The following RNF126 variants were observed in gnomAD, a reference collection of about 807,000 sequenced individuals.
RNF126 encodes the protein ring finger protein 126, also known as E3 ubiquitin-protein ligase RNF126.
RNF126 carries 20 observed loss-of-function variants against 41.9 expected under a neutral mutation model. That is an observed-to-expected ratio of 0.48 (90% CI 0.34 to 0.69). The LOEUF (loss-of-function observed/expected upper bound fraction) is 0.69. Among genes scored for constraint, RNF126 ranks in the 30% least tolerant of loss-of-function variants. RNF126 has a pLI of 0.01. For missense variants in RNF126, 433 were observed against 460.6 expected (o/e 0.94, Z 0.55); for synonymous variants, 239 against 202.9 (o/e 1.18, Z -1.51).
intron 7 of RNF126, 77 bp downstream of exon 7, chr19:648,805 C>T (rs1356812520): frequency 2.3e-6 from 2 of 884,980 alleles, no homozygotes; most frequent in South Asian, 2.0e-5. Context: ...CCTGTCTCTA[C>T]TGAAAATACA....
chr19:652,718 G>C lies in RNF126; in HGVS notation c.134+108C>G, dbSNP rs1043066859. ...TGCTCCCGGAGCCACAGACACCAGGGCCTGACGGCCCCACACTCGGCGGGG... is the reference window on the plus strand; with the variant it reads ...TGCTCCCGGAGCCACAGACACCAGGCCCTGACGGCCCCACACTCGGCGGGG... On this transcript the variant is annotated intron_variant, in intron 2 of 8. Coordinates refer to ENST00000292363, the MANE Select transcript of RNF126 (RefSeq NM_194460.3). 3 of 983,300 alleles carry C rather than the reference G, an allele frequency of 3.1e-6. No individual in the cohort carries two copies. The South Asian group carries it at 4.1e-5, about 13-fold the overall frequency. 60.9% of individuals were successfully genotyped at this position (983,300 alleles called of 1,614,324 possible).
At chr19:652,708 A>G in intron 2 of RNF126, 118 bp downstream of exon 2, 1 of 898,278 alleles carries the variant, frequency 1.1e-6, no homozygotes, top group Non-Finnish European at 1.8e-6. Flanking sequence ...CCGGAGCCAC[A>G]GACACCAGGG....
intron 1 of RNF126, among the ~76,000 whole-genome samples, chr19:657,513 C>T (rs1212788771): frequency 6.6e-6 from 1 of 152,228 alleles, no homozygotes; most frequent in Non-Finnish European, 1.5e-5. Context: ...GTCCAGAACC[C>T]TCTCTCTGCA....
chr19:649,418 C>T, intron 6 of RNF126: 2 of 529,038 alleles, frequency 3.8e-6, no homozygotes, highest in South Asian at 4.7e-5. Flanking sequence ...GCCTCCTGAC[C>T]ATGTGACTGT....
At chr19:653,839 T>C (rs748715167) in intron 1 of RNF126, among the ~76,000 whole-genome samples, 1 of 152,186 alleles carries the variant, frequency 6.6e-6, no homozygotes, top group Admixed American at 6.5e-5. Flanking sequence ...ACGGCACGTG[T>C]CATCACGCCA....
intron 1 of RNF126, among the ~76,000 whole-genome samples, chr19:656,959 G>A (rs1600639969): frequency 6.6e-6 from 1 of 152,164 alleles, no homozygotes; most frequent in Non-Finnish European, 1.5e-5. Context: ...TCGCCTGGGT[G>A]GGTCTCTGGG....
At chr19:653,557 C>G (rs1026537311) in intron 1 of RNF126, among the ~76,000 whole-genome samples, 2 of 152,242 alleles carry the variant, frequency 1.3e-5, no homozygotes, top group Non-Finnish European at 2.9e-5. Flanking sequence ...CAACGGGATC[C>G]CCAGGGCTGA....
intron 1 of RNF126, among the ~76,000 whole-genome samples, chr19:662,366 C>T (rs1370173160): frequency 6.6e-6 from 1 of 152,216 alleles, no homozygotes; most frequent in East Asian, 1.9e-4. Flanking sequence ...TGAGGGGCGG[C>T]TGTAAACACC....
intron 1 of RNF126, among the ~76,000 whole-genome samples, chr19:662,792 C>G (rs2030867059): frequency 6.6e-6 from 1 of 152,136 alleles, no homozygotes; most frequent in Non-Finnish European, 1.5e-5. Flanking sequence ...CGGCCGCGAT[C>G]CCGCTGCGCC....
In RNF126 at chr19:647,958, AG is replaced by A. The variant is rs2030037848; in HGVS notation, c.*169del. The A allele has an allele frequency of 1.2e-6, 1 of 836,724 alleles. No homozygotes were observed. Among genetic ancestry groups the A allele is most frequent in the African/African-American group, 1.7e-5 (1 of 57,982 alleles). The allele number at this position is 836,724 out of a possible 1,614,324, so 51.8% of individuals were successfully genotyped here. ...GGACCATGTGGCCCACGCCTTCCCA[AG>A]CCAGGGGGCCGGTGGGCCGGGCCCG... On this transcript the variant is annotated 3_prime_UTR_variant, in exon 9 of 9. Transcript: ENST00000292363.
intron 4 of RNF126, among the ~76,000 whole-genome samples, chr19:651,202 G>A (rs1249317970): frequency 2.0e-5 from 3 of 148,430 alleles, no homozygotes; most frequent in Non-Finnish European, 4.5e-5. Flanking sequence ...GCCCTGCGAC[G>A]GCTCCCCCAG....
intron 1 of RNF126, among the ~76,000 whole-genome samples, chr19:653,992 G>A (rs560763513): frequency 8.5e-5 from 13 of 152,304 alleles, no homozygotes; most frequent in African/African-American, 3.1e-4. Context: ...CACCGGGGCT[G>A]TTCAGTCTTC....
In RNF126 at chr19:652,246, C is replaced by A. The variant is rs201121285; in HGVS notation, c.185G>T (p.Arg62Leu). Residue 62 changes from arginine to leucine, a missense_variant, in exon 3 of 9, where the codon CGG becomes CTG. Around this residue, in one of 5 missense-constraint regions of RNF126, gnomAD observed 247 missense variants for 224.7 expected, o/e 1.10. Coordinates refer to ENST00000292363, the MANE Select transcript of RNF126 (RefSeq NM_194460.3). ...CGGGCGACTCACCTCCAACGGTGGCCGGCTCTGGTCTGTGGGAGCTGTGGA... is the reference window on the plus strand; with the variant it reads ...CGGGCGACTCACCTCCAACGGTGGCAGGCTCTGGTCTGTGGGAGCTGTGGA... ...APSTAPTDQS[R>L]PPLEHVDQHL... 1 of 1,536,236 alleles carries A rather than the reference C, an allele frequency of 6.5e-7. No individual in the cohort carries two copies. The highest frequency in any genetic ancestry group is 2.6e-5 in the Admixed American group (1 of 38,632).
intron 1 of RNF126, among the ~76,000 whole-genome samples, chr19:658,581 C>T (rs928319060): frequency 2.6e-5 from 4 of 152,156 alleles, no homozygotes; most frequent in East Asian, 1.9e-4. Flanking sequence ...GGCACGGGCA[C>T]GTGCGGCGCC....
At chr19:651,898 T>A in intron 3 of RNF126, 43 bp from the exon 4 acceptor site, 1 of 1,556,238 alleles carries the variant, frequency 6.4e-7, no homozygotes, top group Non-Finnish European at 8.7e-7. Context: ...CTCAGGCCCG[T>A]GCAGTCTGCT....
chr19:654,764 C>T (rs1343598708), intron 1 of RNF126, among the ~76,000 whole-genome samples: 4 of 146,898 alleles, frequency 2.7e-5, no homozygotes, highest in African/African-American at 5.0e-5. Context: ...GCCAGGAGTT[C>T]GAGACCAGCC....
In RNF126 at chr19:649,220, T is replaced by TGGGGG. The variant is rs67039359; in HGVS notation, c.577-250_577-246dup. 138 of 125,606 alleles carry TGGGGG rather than the reference T, an allele frequency of 1.1e-3. 1 individual carries two copies. The highest frequency in any genetic ancestry group is 3.5e-3 in the Middle Eastern group (1 of 286). The allele number at this position is 125,606 out of a possible 1,614,324, so 7.8% of individuals were successfully genotyped here. On this transcript the variant is annotated intron_variant, in intron 6 of 8. Transcript: ENST00000292363. Reference sequence around the variant, plus strand: ...CGCTCCTGGGTCCCTGACAGCGGAATGGGGGGGGGGGCCGCGCTCCTGAGT... The same window carrying TGGGGG: ...CGCTCCTGGGTCCCTGACAGCGGAATGGGGGGGGGGGGGGGGCCGCGCTCCTGAGT...
rs753403508 is a variant in RNF126, at chr19:648,085, T to C, written c.*43A>G. The C allele has an allele frequency of 2.6e-6, 4 of 1,510,618 alleles. No individual in the cohort carries two copies. The Admixed American group carries it at 8.1e-5, about 31-fold the overall frequency. 93.6% of individuals were successfully genotyped at this position (1,510,618 alleles called of 1,614,324 possible). A position where few individuals can be genotyped will look rare whatever the true frequency, so the allele number is the denominator to read the frequency against. On this transcript the variant is annotated 3_prime_UTR_variant, in exon 9 of 9. Transcript: ENST00000292363. ...GGTGCCGTGTGGCGCTGGCTGAGGG[T>C]GGGTGGGAAAGGCCCCGTGCTTTCC...
Position 663,032 on chromosome 19 carries a change from CGGCCCG to C in RNF126, c.75+9_75+14del. ...GCGCAGACCCTGCCGCCCGCCGCCC[CGGCCCG>C]GGCCTCACCGGCAGGCGCGGGACGA... is the stretch of plus-strand genomic sequence containing the variant. On this transcript the variant is annotated intron_variant, in intron 1 of 8. Transcript: ENST00000292363. 7.5e-7 allele frequency: 1 copy of C among 1,331,040 alleles called. No homozygotes were observed. Among genetic ancestry groups the C allele is most frequent in the Non-Finnish European group, 9.7e-7 (1 of 1,033,390 alleles). 82.5% of individuals were successfully genotyped at this position (1,331,040 alleles called of 1,614,324 possible). A position where few individuals can be genotyped will look rare whatever the true frequency, so the allele number is the denominator to read the frequency against.
Sources: gnomAD v4.1 joint callset for allele counts (sites outside exome capture counted in the v4.1 genomes callset) on GRCh38, gnomAD v4.1.1 for gene constraint, gnomAD v4.1.1 regional missense constraint, MANE v1.5 for transcripts, NCBI Gene and HGNC (gene_info 2026-07-23, HGNC 2026-07-21) for gene names.